The following CYP2J2 variants were observed in gnomAD, a reference collection of about 807,000 sequenced individuals.
CYP2J2 encodes cytochrome P450 2J2.
CYP2J2 carries 41 observed loss-of-function variants against 48.8 expected under a neutral mutation model. The ratio of observed to expected loss-of-function variants is 0.84; its 90% confidence interval spans 0.66 to 1.09. The LOEUF is 1.09. Among genes scored for constraint, CYP2J2 ranks in the 50% least tolerant of loss-of-function variants. CYP2J2 has a pLI of 0.00. For missense variants in CYP2J2, 644 were observed against 617.3 expected, an observed-to-expected ratio of 1.04 and a Z score of -0.46; for synonymous variants, 221 against 227.1, an observed-to-expected ratio of 0.97 and a Z score of 0.24.
intron 1 of CYP2J2, among the ~76,000 whole-genome samples, chr1:59,921,594 C>G (rs187933411): frequency 6.6e-6 from 1 of 151,936 alleles, no homozygotes; most frequent in Non-Finnish European, 1.5e-5. Flanking sequence ...CACGGCTCTT[C>G]TAGGTCTCTT....
At chr1:59,928,539 T>C (rs942788893), upstream of CYP2J2, among the ~76,000 whole-genome samples, 1 of 152,140 alleles carries the variant, frequency 6.6e-6, no homozygotes, top group Admixed American at 6.5e-5. Context: ...AGTATCTCCC[T>C]GAGATGGAAA....
upstream of CYP2J2, chr1:59,926,808 TCCCCG>T: frequency 1.4e-6 from 2 of 1,454,434 alleles, no homozygotes; most frequent in South Asian, 1.2e-5. Context: ...CAGGCGACGG[TCCCCG>T]CCCCGCCTCG....
At chr1:59,952,433 G>A in the CYP2J2 span, among the ~76,000 whole-genome samples, 1 of 152,044 alleles carries the variant, frequency 6.6e-6, no homozygotes, top group African/African-American at 2.4e-5. Context: ...TTCAAGAGGA[G>A]GCATGGGACT....
At chr1:59,906,321 T>C (rs1446148823) in intron 6 of CYP2J2, among the ~76,000 whole-genome samples, 1 of 152,206 alleles carries the variant, frequency 6.6e-6, no homozygotes, top group Non-Finnish European at 1.5e-5. Context: ...CCCCTTTTGC[T>C]TCCTACTGGT....
At chr1:59,935,922 T>C in the CYP2J2 span, among the ~76,000 whole-genome samples, 377 of 152,280 alleles carry the variant, frequency 2.5e-3, no homozygotes, top group Non-Finnish European at 4.5e-3. Context: ...TACTGGTGCC[T>C]GCCACCATGC....
chr1:59,968,321 C>T, the CYP2J2 span, among the ~76,000 whole-genome samples: 1 of 151,854 alleles, frequency 6.6e-6, no homozygotes. Flanking sequence ...CCCTTTTCCT[C>T]TCTCTAGTCG....
chr1:59,955,563 A>C, the CYP2J2 span, among the ~76,000 whole-genome samples: 1 of 152,066 alleles, frequency 6.6e-6, no homozygotes, highest in African/African-American at 2.4e-5. Context: ...AAAAAATAGC[A>C]ACCATACAGT....
chr1:59,961,036 C>T, the CYP2J2 span, among the ~76,000 whole-genome samples: 1 of 152,082 alleles, frequency 6.6e-6, no homozygotes, highest in East Asian at 1.9e-4. Context: ...TGATAAAACT[C>T]TTTGAAGAAA....
chr1:59,955,204 G>A, the CYP2J2 span, among the ~76,000 whole-genome samples: 9 of 147,594 alleles, frequency 6.1e-5, no homozygotes, highest in South Asian at 2.1e-4. Context: ...GCATATGCAC[G>A]TGTGTATGTA....
chr1:59,966,955 A>G, the CYP2J2 span, among the ~76,000 whole-genome samples: 2 of 151,324 alleles, frequency 1.3e-5, no homozygotes, highest in Non-Finnish European at 1.5e-5. Flanking sequence ...AGTTCTTTAG[A>G]TTAAGGAAAT....
chr1:59,907,634 T>A, intron 6 of CYP2J2, 152 bp downstream of exon 6: 1 of 703,750 alleles, frequency 1.4e-6, no homozygotes, highest in Non-Finnish European at 2.3e-6. Flanking sequence ...ACAGAAAATA[T>A]GAAGAATGTG....
At chr1:59,923,166 C>G (rs182766583) in intron 1 of CYP2J2, among the ~76,000 whole-genome samples, 4 of 152,352 alleles carry the variant, frequency 2.6e-5, no homozygotes, top group Admixed American at 6.5e-5. Context: ...TCCCTGTCTT[C>G]TGTTCCATCT....
intron 4 of CYP2J2, among the ~76,000 whole-genome samples, chr1:59,910,935 G>T (rs972779798): frequency 9.2e-5 from 14 of 152,198 alleles, no homozygotes; most frequent in African/African-American, 3.4e-4. Flanking sequence ...TATGGAATTA[G>T]AAGATTGATG....
intron 8 of CYP2J2, among the ~76,000 whole-genome samples, chr1:59,898,286 A>T (rs530650483): frequency 1.3e-5 from 2 of 152,346 alleles, no homozygotes; most frequent in Non-Finnish European, 2.9e-5. Context: ...GGACCTTAAG[A>T]GGCCTGTGTG....
rs560639556 is a variant in CYP2J2 at position 59,912,667 on chromosome 1, A to G, written c.374-356T>C. Reference sequence around the variant, plus strand: ...AGGGTCTCACAGTAAGTAAGCAACTAAACAGGTATTCAATTTCAGGTCTGC... The same window carrying G: ...AGGGTCTCACAGTAAGTAAGCAACTGAACAGGTATTCAATTTCAGGTCTGC... On this transcript the variant is annotated intron_variant, in intron 2 of 8. Coordinates refer to ENST00000371204, the MANE Select transcript of CYP2J2 (RefSeq NM_000775.4). The G allele has an allele frequency of 1.5e-4, 28 of 190,370 alleles. No homozygotes were observed. In the South Asian group the frequency reaches 1.6e-3, roughly 11 times the overall value. 11.8% of individuals were successfully genotyped at this position (190,370 alleles called of 1,614,324 possible).
intron 6 of CYP2J2, among the ~76,000 whole-genome samples, chr1:59,906,671 C>T (rs1644368041): frequency 6.6e-6 from 1 of 152,122 alleles, no homozygotes; most frequent in African/African-American, 2.4e-5. Context: ...CTGGCCACCA[C>T]CATTCTACTT....
the CYP2J2 span, among the ~76,000 whole-genome samples, chr1:59,943,648 C>A: frequency 2.0e-5 from 3 of 150,796 alleles, no homozygotes; most frequent in Non-Finnish European, 4.4e-5. Flanking sequence ...CAAGAGCTTT[C>A]AAAAGTATTG....
chr1:59,959,560 A>G, the CYP2J2 span, among the ~76,000 whole-genome samples: 2 of 152,096 alleles, frequency 1.3e-5, no homozygotes, highest in Non-Finnish European at 2.9e-5. Flanking sequence ...AGATATATAT[A>G]TATGTATGTG....
chr1:59,906,007 A>C (rs1644361730), intron 6 of CYP2J2, among the ~76,000 whole-genome samples: 2 of 152,152 alleles, frequency 1.3e-5, no homozygotes, highest in Non-Finnish European at 2.9e-5. Context: ...TAACACGGTG[A>C]AATCCCATCT....
Sources: allele counts gnomAD v4.1 joint callset (sites outside exome capture counted in the v4.1 genomes callset), GRCh38; gene constraint gnomAD v4.1.1; transcripts MANE v1.5; gene names NCBI Gene and HGNC (gene_info 2026-07-23, HGNC 2026-07-21).